ST7: variants seen among roughly 807,000 people sequenced by gnomAD.
ST7 encodes the protein suppression of tumorigenicity 7.
Under a neutral mutation model 78.7 loss-of-function variants are expected in ST7, and 28 were observed. That is an observed-to-expected ratio of 0.36 (90% CI 0.26 to 0.49). The LOEUF (loss-of-function observed/expected upper bound fraction) is 0.49, where lower values mean the gene tolerates loss of function less well. Ranked by LOEUF, ST7 falls within the 20% of genes least tolerant of loss-of-function variation. The pLI is 0.99. For missense variants in ST7, 418 were observed against 696.0 expected, an observed-to-expected ratio of 0.60 and a Z score of 4.49; for synonymous variants, 247 against 249.6, an observed-to-expected ratio of 0.99 and a Z score of 0.10.
In ST7 at chr7:117,219,084, C is replaced by T. The variant is rs1476215078; in HGVS notation, c.1406C>T (p.Thr469Ile). ...CTGACATATTTTTTCTCGTTTTCAG[C>T]TTTTCGGATGATCCCTTATCCCTTG... Reference protein sequence around the residue: ...LNLLHCTWEGTFRMIPYPLEK... With the variant: ...LNLLHCTWEGIFRMIPYPLEK... The change falls in exon 14 of 16, where the codon ACT (threonine) becomes ATT (isoleucine). Residue 469 changes from threonine to isoleucine, a missense_variant and splice_region_variant. Physicochemically the swap from Thr to Ile is moderately conservative, Grantham distance 89. This residue lies in a region of ST7 where 288 missense variants were observed against 537.1 expected (regional missense o/e 0.54). Transcript: ENST00000323984. This position sits in a 1 kb window ranked among gnomAD's most constrained non-coding sequence, Gnocchi z 5.1. 1.9e-6 allele frequency: 3 copies of T among 1,609,770 alleles called. No homozygotes were observed. The South Asian group carries it at 3.3e-5, about 18-fold the overall frequency.
intron 1 of ST7, among the ~76,000 whole-genome samples, chr7:117,063,162 G>A (rs1048988611): frequency 2.0e-5 from 3 of 152,068 alleles, no homozygotes; most frequent in African/African-American, 7.2e-5. Flanking sequence ...CTTTGCTTTT[G>A]TTTTTGTATT....
intron 1 of ST7, among the ~76,000 whole-genome samples, chr7:117,024,971 A>G (rs1418784081): frequency 6.6e-6 from 1 of 152,176 alleles, no homozygotes; most frequent in Non-Finnish European, 1.5e-5. Context: ...CTCAGTTTTA[A>G]TAGGGAGTAT....
intron 9 of ST7, 139 bp downstream of exon 9, chr7:117,138,671 C>T: frequency 1.9e-6 from 1 of 529,976 alleles, no homozygotes; most frequent in Non-Finnish European, 3.4e-6. Context: ...ACTCTAGTTC[C>T]CAATTTACTA....
intron 3 of ST7, among the ~76,000 whole-genome samples, chr7:117,126,039 A>G (rs2116987560): frequency 6.6e-6 from 1 of 152,146 alleles, no homozygotes; most frequent in Non-Finnish European, 1.5e-5. Context: ...TAAGGAATGT[A>G]GATAAATCGA....
chr7:117,003,635 G>A (rs1022301596), intron 1 of ST7, among the ~76,000 whole-genome samples: 11 of 151,640 alleles, frequency 7.3e-5, no homozygotes, highest in African/African-American at 2.7e-4. Context: ...GTTTCGCCAT[G>A]TTGCCCAGGC....
At chr7:117,152,944 T>C (rs1806407033) in intron 9 of ST7, among the ~76,000 whole-genome samples, 1 of 152,172 alleles carries the variant, frequency 6.6e-6, no homozygotes. Context: ...TTGCCTTCTA[T>C]TTTTCGGTAA....
intron 1 of ST7, among the ~76,000 whole-genome samples, chr7:116,980,084 G>A (rs1309063478): frequency 2.7e-5 from 4 of 146,722 alleles, no homozygotes; most frequent in Admixed American, 7.0e-5. Context: ...TCAGCCTCCC[G>A]AGTAACTGGG....
chr7:117,160,593 AAT>A (rs1257035303), intron 9 of ST7, among the ~76,000 whole-genome samples: 2 of 151,794 alleles, frequency 1.3e-5, no homozygotes, highest in Non-Finnish European at 2.9e-5. Context: ...ATCCCTCACA[AAT>A]ATGAGTTTGT....
intron 1 of ST7, among the ~76,000 whole-genome samples, chr7:116,994,689 A>G (rs769378009): frequency 6.6e-6 from 1 of 152,226 alleles, no homozygotes; most frequent in Non-Finnish European, 1.5e-5. Context: ...TTAAAAATGA[A>G]TTCATTAACC....
chr7:117,036,065 G>A (rs1159071931), intron 1 of ST7, among the ~76,000 whole-genome samples: 1 of 152,144 alleles, frequency 6.6e-6, no homozygotes, highest in Non-Finnish European at 1.5e-5. Context: ...TTTCTGACCT[G>A]GGTGCATTTG....
chr7:116,966,279 C>G (rs1364126676), intron 1 of ST7, among the ~76,000 whole-genome samples: 1 of 115,314 alleles, frequency 8.7e-6, no homozygotes, highest in Non-Finnish European at 1.7e-5. Context: ...AGATAGGAGT[C>G]TTCCTCTGTC....
In ST7 at chr7:117,045,570, C is replaced by G. The variant is rs564816537; in HGVS notation, c.152-54192C>G. 3.3e-5 allele frequency among the ~76,000 whole-genome samples: 5 copies of G among 152,290 alleles called. No homozygotes were observed. In the South Asian group the frequency reaches 6.2e-4, roughly 19 times the overall value. On this transcript the variant is annotated intron_variant, in intron 1 of 15. Transcript: ENST00000323984. ...TACTTGCTAGCACTCATCTCTCGTACCCTATTTAATTTTCCTCCATTGCAC... is the reference window on the plus strand; with the variant it reads ...TACTTGCTAGCACTCATCTCTCGTAGCCTATTTAATTTTCCTCCATTGCAC...
chr7:117,168,264 A>G (rs1340219404), intron 9 of ST7, among the ~76,000 whole-genome samples: 1 of 152,200 alleles, frequency 6.6e-6, no homozygotes, highest in African/African-American at 2.4e-5. Context: ...GTGAGACCTC[A>G]TGTTTGCGTA....
intron 1 of ST7, among the ~76,000 whole-genome samples, chr7:117,079,837 A>C (rs2116596420): frequency 6.6e-6 from 1 of 152,142 alleles, no homozygotes; most frequent in East Asian, 1.9e-4. Flanking sequence ...ATGCTTAAGA[A>C]ACCTTTTCTT....
At chr7:116,968,215 T>A (rs1793223568) in intron 1 of ST7, among the ~76,000 whole-genome samples, 1 of 151,906 alleles carries the variant, frequency 6.6e-6, no homozygotes, top group Admixed American at 6.6e-5. Context: ...TTTTGTTTTG[T>A]TTTACAAATT....
At chr7:117,019,580 G>C (rs1795777806) in intron 1 of ST7, among the ~76,000 whole-genome samples, 1 of 152,202 alleles carries the variant, frequency 6.6e-6, no homozygotes, top group Non-Finnish European at 1.5e-5. Flanking sequence ...AGAAATACAT[G>C]TATGTAAATA....
chr7:116,989,714 C>A (rs1217937025), intron 1 of ST7, among the ~76,000 whole-genome samples: 1 of 151,976 alleles, frequency 6.6e-6, no homozygotes, highest in Admixed American at 6.6e-5. Context: ...TGACATGTAC[C>A]TGTAGTCCTA....
chr7:117,010,279 G>A (rs144302833), intron 1 of ST7, among the ~76,000 whole-genome samples: 15 of 152,308 alleles, frequency 9.8e-5, no homozygotes, highest in Admixed American at 6.5e-4. Context: ...AGTGCTAGAT[G>A]CTCATCTGTC....
At chr7:117,042,198 A>G (rs554035513) in intron 1 of ST7, among the ~76,000 whole-genome samples, 1 of 152,328 alleles carries the variant, frequency 6.6e-6, no homozygotes, top group African/African-American at 2.4e-5. Context: ...TGTAGAGACT[A>G]TCTTTAGATC....
Sources: gnomAD v4.1 joint callset for allele counts (sites outside exome capture counted in the v4.1 genomes callset) on GRCh38, gnomAD v4.1.1 for gene constraint, gnomAD v4.1.1 regional missense constraint, Gnocchi (gnomAD v3.1) non-coding constraint, MANE v1.5 for transcripts, NCBI Gene and HGNC (gene_info 2026-07-23, HGNC 2026-07-21) for gene names.